The following PTPRD variants were observed in gnomAD, a reference collection of about 807,000 sequenced individuals.
The protein encoded by PTPRD is protein tyrosine phosphatase receptor type D.
In PTPRD, 34 loss-of-function variants were observed where a neutral mutation model predicts 214.5. That is an observed-to-expected ratio of 0.16 (90% CI 0.12 to 0.21). PTPRD has a LOEUF of 0.21. Ranked by LOEUF, PTPRD falls within the 10% of genes least tolerant of loss-of-function variation. The probability of loss-of-function intolerance (pLI) is 1.00; values close to 1 mark genes in which losing one functional copy is unlikely to be tolerated. For missense variants in PTPRD, 2,545 were observed against 2,398.7 expected, an observed-to-expected ratio of 1.06 and a Z score of -1.27; for synonymous variants, 1,128 against 845.7, an observed-to-expected ratio of 1.33 and a Z score of -5.79.
chr9:10,249,875 C>T (rs1268700029), intron 3 of PTPRD, among the ~76,000 whole-genome samples: 1 of 151,990 alleles, frequency 6.6e-6, no homozygotes, highest in East Asian at 1.9e-4. Context: ...ATGACTGCTA[C>T]ATTTGAAAAA....
At chr9:9,058,501 T>G (rs1234261814) in intron 10 of PTPRD, among the ~76,000 whole-genome samples, 1 of 118,474 alleles carries the variant, frequency 8.4e-6, no homozygotes, top group Non-Finnish European at 1.6e-5. Flanking sequence ...CAGGCTGGAG[T>G]GCAGAGGCGC....
chr9:10,010,811 A>G lies in PTPRD; in HGVS notation c.-472+22907T>C, dbSNP rs77232439. ...AAACTTCTGTGTTAAAACTAACTTA[A>G]CACTAATAACATTTTTCACATTCCC... On this transcript the variant is annotated intron_variant, in intron 4 of 45. Transcript: ENST00000381196. Among the ~76,000 whole-genome samples the G allele has an allele frequency of 9.1e-4, 138 of 152,104 alleles. 2 individuals are homozygous for G. In the East Asian group the frequency reaches 0.019, roughly 21 times the overall value.
chr9:10,553,748 T>G (rs969704954), intron 2 of PTPRD, among the ~76,000 whole-genome samples: 32 of 152,248 alleles, frequency 2.1e-4, no homozygotes, highest in African/African-American at 7.5e-4. Flanking sequence ...GAGAAAGAAC[T>G]ATGCAGCTAG....
chr9:8,924,709 G>A (rs1172561097), intron 11 of PTPRD, among the ~76,000 whole-genome samples: 1 of 152,058 alleles, frequency 6.6e-6, no homozygotes, highest in East Asian at 1.9e-4. Context: ...TAATGACTCT[G>A]CAGCGCTGTC....
intron 14 of PTPRD, among the ~76,000 whole-genome samples, chr9:8,583,312 G>C (rs990441967): frequency 7.0e-6 from 1 of 143,270 alleles, no homozygotes; most frequent in African/African-American, 2.7e-5. Context: ...GCCCAGGGTT[G>C]GGGACCCCTG....
chr9:10,438,682 A>G (rs368874064), intron 2 of PTPRD, among the ~76,000 whole-genome samples: 5 of 151,720 alleles, frequency 3.3e-5, no homozygotes, highest in African/African-American at 1.2e-4. Flanking sequence ...AGACCTCTGT[A>G]TTTACAGTTT....
chr9:8,590,038 T>A (rs940653897), intron 14 of PTPRD, among the ~76,000 whole-genome samples: 1 of 152,100 alleles, frequency 6.6e-6, no homozygotes, highest in Non-Finnish European at 1.5e-5. Context: ...GTTTTTGCAA[T>A]GTTCACGAGG....
rs183018405 is a variant in PTPRD at position 9,969,628 on chromosome 9, C to T, written c.-471-31018G>A. ...AGAATGAGATCAAAGAACAAGTTTA[C>T]ATTTTACTTTTGTGGCTCATTAAAT... On this transcript the variant is annotated intron_variant, in intron 4 of 45. Transcript: ENST00000381196. 3.6e-3 allele frequency among the ~76,000 whole-genome samples: 548 copies of T among 152,294 alleles called. 1 individual carries two copies. The highest frequency in any genetic ancestry group is 6.0e-3 in the Non-Finnish European group (406 of 68,014).
At chr9:8,948,541 A>T (rs867841011) in intron 11 of PTPRD, among the ~76,000 whole-genome samples, 2 of 57,530 alleles carry the variant, frequency 3.5e-5, no homozygotes, top group Non-Finnish European at 6.6e-5. Flanking sequence ...TTATATATAT[A>T]TTTATATATA....
chr9:8,323,045 C>A (rs1830022219), intron 44 of PTPRD, among the ~76,000 whole-genome samples: 1 of 152,146 alleles, frequency 6.6e-6, no homozygotes, highest in South Asian at 2.1e-4. Flanking sequence ...CGTTGAACAT[C>A]AAGACAGGCT....
At chr9:8,432,671 G>A (rs989266601) in intron 35 of PTPRD, among the ~76,000 whole-genome samples, 1 of 152,182 alleles carries the variant, frequency 6.6e-6, no homozygotes, top group African/African-American at 2.4e-5. Flanking sequence ...TTATGTAGAA[G>A]ATAATAAACA....
At chr9:8,681,513 C>CA in intron 12 of PTPRD, among the ~76,000 whole-genome samples, 1 of 152,216 alleles carries the variant, frequency 6.6e-6, no homozygotes, top group East Asian at 1.9e-4. Context: ...AGAGAAGCAC[C>CA]ATGTCTTTAA....
intron 10 of PTPRD, among the ~76,000 whole-genome samples, chr9:9,116,259 T>C (rs1426423308): frequency 6.6e-6 from 1 of 152,098 alleles, no homozygotes; most frequent in Non-Finnish European, 1.5e-5. Context: ...TATATAAATA[T>C]ATACTTACTA....
chr9:9,994,803 T>A (rs891693223), intron 4 of PTPRD, among the ~76,000 whole-genome samples: 1 of 152,144 alleles, frequency 6.6e-6, no homozygotes, highest in Non-Finnish European at 1.5e-5. Context: ...AACTTTTTGT[T>A]TTACTAATGA....
At chr9:9,470,819 C>G (rs896869264) in intron 8 of PTPRD, among the ~76,000 whole-genome samples, 6 of 152,142 alleles carry the variant, frequency 3.9e-5, no homozygotes, top group African/African-American at 1.4e-4. Flanking sequence ...GCCATGCTGT[C>G]TCAAATGCTA....
intron 5 of PTPRD, among the ~76,000 whole-genome samples, chr9:9,924,139 G>A (rs529065760): frequency 4.6e-5 from 7 of 152,082 alleles, no homozygotes; most frequent in African/African-American, 1.7e-4. Flanking sequence ...GATTTCACCA[G>A]AAACAACACA....
intron 2 of PTPRD, among the ~76,000 whole-genome samples, chr9:10,598,202 T>TTTC (rs2077053228): frequency 6.6e-6 from 1 of 151,636 alleles, no homozygotes; most frequent in African/African-American, 2.4e-5. Flanking sequence ...ATTATTTGAT[T>TTTC]TTCCTTAGAT....
At chr9:8,920,490 G>T (rs1026855857) in intron 11 of PTPRD, among the ~76,000 whole-genome samples, 1 of 152,092 alleles carries the variant, frequency 6.6e-6, no homozygotes, top group Non-Finnish European at 1.5e-5. Context: ...TAAGCCAGGG[G>T]TATCCAATCT....
At chr9:8,952,683 G>A (rs551149276) in intron 11 of PTPRD, among the ~76,000 whole-genome samples, 1 of 151,736 alleles carries the variant, frequency 6.6e-6, no homozygotes, top group East Asian at 1.9e-4. Flanking sequence ...ATCTTTACAG[G>A]AAGAAAAAAT....
Sources: allele counts gnomAD v4.1 joint callset (sites outside exome capture counted in the v4.1 genomes callset), GRCh38; gene constraint gnomAD v4.1.1; transcripts MANE v1.5; gene names NCBI Gene and HGNC (gene_info 2026-07-23, HGNC 2026-07-21).